The following SLF1 variants were observed in gnomAD, a reference collection of about 807,000 sequenced individuals.
The protein encoded by SLF1 is SMC5-SMC6 complex localization factor protein 1.
A neutral mutation model predicts 123.0 loss-of-function variants in SLF1; 105 were observed. The observed-to-expected ratio is 0.85, with a 90% CI of 0.73 to 1.00. The LOEUF (loss-of-function observed/expected upper bound fraction) is 1.00. SLF1 is among the 50% of genes least tolerant of loss of function. The probability of loss-of-function intolerance (pLI) is 0.00; values close to 1 mark genes in which losing one functional copy is unlikely to be tolerated. For missense variants in SLF1, 1,239 were observed against 1,223.0 expected (o/e 1.01, Z -0.20); for synonymous variants, 434 against 406.6 (o/e 1.07, Z -0.81).
At chr5:94,628,624 A>G (rs1415854466) in intron 1 of SLF1, among the ~76,000 whole-genome samples, 187 bp from the exon 2 acceptor site, 3 of 152,236 alleles carry the variant, frequency 2.0e-5, no homozygotes, top group Non-Finnish European at 4.4e-5. Flanking sequence ...TGAGAAGATA[A>G]CTTTTAAAAC....
At chr5:94,633,796 G>T (rs1192259716) in intron 4 of SLF1, among the ~76,000 whole-genome samples, 1 of 151,902 alleles carries the variant, frequency 6.6e-6, no homozygotes, top group Non-Finnish European at 1.5e-5. Flanking sequence ...TTCTCATTTT[G>T]GTTTTATTAA....
intron 12 of SLF1, among the ~76,000 whole-genome samples, chr5:94,667,491 C>A (rs923913923): frequency 2.6e-5 from 4 of 151,994 alleles, no homozygotes; most frequent in Non-Finnish European, 5.9e-5. Context: ...TTCCAAAGTA[C>A]CCCCCCACAG....
intron 4 of SLF1, among the ~76,000 whole-genome samples, chr5:94,642,836 T>C (rs953127719): frequency 6.6e-6 from 1 of 152,118 alleles, no homozygotes; most frequent in Non-Finnish European, 1.5e-5. Context: ...TTTTAAGTAG[T>C]TCAAGGCTAA....
chr5:94,688,121 A>G (rs571499692), intron 16 of SLF1, among the ~76,000 whole-genome samples: 41 of 152,082 alleles, frequency 2.7e-4, no homozygotes, highest in Non-Finnish European at 5.3e-4. Context: ...CTGTTGAAGA[A>G]AGACTTGTTT....
chr5:94,675,991 T>C (rs1751015033), intron 14 of SLF1, among the ~76,000 whole-genome samples: 1 of 151,108 alleles, frequency 6.6e-6, no homozygotes. Context: ...CTTTGTGGGC[T>C]AACATCCTTC....
chr5:94,634,052 C>T (rs116048913), intron 4 of SLF1, among the ~76,000 whole-genome samples: 1,786 of 152,086 alleles, frequency 0.012, 42 homozygotes, highest in African/African-American at 0.042. Flanking sequence ...TTTAAATTTT[C>T]GTTTCTTCTT....
rs202084095 is a variant in SLF1, at chr5:94,627,592, A to ATGTATATG, written c.1-1218_1-1217insGTATATGT. On this transcript the variant is annotated intron_variant, in intron 1 of 20. Transcript: ENST00000265140. ...TGTAAATGATGAAATTAACATATATATATATATATATATATATATATATAT... is the reference window on the plus strand; with the variant it reads ...TGTAAATGATGAAATTAACATATATATGTATATGTATATATATATATATATATATATAT... 6.1e-5 allele frequency among the ~76,000 whole-genome samples: 7 copies of ATGTATATG among 113,970 alleles called. No individual in the cohort carries two copies. The East Asian group carries it at 1.6e-3, about 26-fold the overall frequency. The allele number at this position is 113,970 out of a possible 152,430, so 74.8% of individuals were successfully genotyped here. A position where few individuals can be genotyped will look rare whatever the true frequency, so the allele number is the denominator to read the frequency against.
chr5:94,674,158 G>A lies in SLF1; in HGVS notation c.1827+3150G>A, dbSNP rs1446823871. 4.0e-5 allele frequency among the ~76,000 whole-genome samples: 6 copies of A among 151,856 alleles called. No individual in the cohort carries two copies. The East Asian group carries it at 9.7e-4, about 24-fold the overall frequency. On this transcript the variant is annotated intron_variant, in intron 14 of 20. Transcript: ENST00000265140. Reference sequence around the variant, plus strand: ...AGAAAATATTTCTTCATTATAGAACGTTTCTTTTTTTCATTCATTTGATTA... The same window carrying A: ...AGAAAATATTTCTTCATTATAGAACATTTCTTTTTTTCATTCATTTGATTA...
intron 4 of SLF1, among the ~76,000 whole-genome samples, chr5:94,631,988 TC>T (rs774704553): frequency 0.076 from 7,014 of 92,196 alleles, 331 homozygotes; most frequent in East Asian, 0.34. Flanking sequence ...TTTTTTTTTT[TC>T]CAAATTAAAT....
chr5:94,638,654 C>G lies in SLF1; in HGVS notation c.432-4619C>G, dbSNP rs139502831. On this transcript the variant is annotated intron_variant, in intron 4 of 20. Transcript: ENST00000265140. ...TAGTAACCGTGAGCCCTGGAGAATC[C>G]TTTCTGTGTGGCACTATGCCAACTT... 3.8e-3 allele frequency among the ~76,000 whole-genome samples: 585 copies of G among 152,322 alleles called. 2 individuals are homozygous for G. The Middle Eastern group carries it at 0.048, about 12-fold the overall frequency.
chr5:94,651,999 A>G (rs529301533), intron 7 of SLF1, among the ~76,000 whole-genome samples, 154 bp downstream of exon 7: 2 of 135,528 alleles, frequency 1.5e-5, no homozygotes, highest in East Asian at 2.2e-4. Flanking sequence ...GACCTGCTGT[A>G]TTATTTTCTT....
chr5:94,624,852 A>G (rs1365535547), intron 1 of SLF1, among the ~76,000 whole-genome samples: 1 of 152,056 alleles, frequency 6.6e-6, no homozygotes, highest in Non-Finnish European at 1.5e-5. Flanking sequence ...AAAATACATT[A>G]AAAATATACA....
intron 4 of SLF1, among the ~76,000 whole-genome samples, chr5:94,640,022 A>G (rs1192035015): frequency 6.6e-6 from 1 of 152,190 alleles, no homozygotes; most frequent in Non-Finnish European, 1.5e-5. Flanking sequence ...TTTGCTAGTC[A>G]TTTACTTTTA....
chr5:94,639,711 C>G (rs1258227482), intron 4 of SLF1, among the ~76,000 whole-genome samples: 1 of 152,136 alleles, frequency 6.6e-6, no homozygotes, highest in Non-Finnish European at 1.5e-5. Context: ...ATAAGAAAAT[C>G]ATAAGAGAAA....
At chr5:94,664,296 T>C (rs1749493400) in intron 11 of SLF1, among the ~76,000 whole-genome samples, 1 of 152,170 alleles carries the variant, frequency 6.6e-6, no homozygotes, top group Admixed American at 6.5e-5. Flanking sequence ...AACATACTCT[T>C]TGTTTAAAAA....
At position 94,686,653 on chromosome 5, in the gene SLF1, T is replaced by C. The variant is rs1181476694; in HGVS notation, c.2056T>C (p.Phe686Leu). 10 of 1,614,048 alleles carry C rather than the reference T, an allele frequency of 6.2e-6. No homozygotes were observed. The Admixed American group carries it at 1.5e-4, about 24-fold the overall frequency. ...TCAAATGTTTGTTGCAGAGGCAGTCTTTAAAAAGTTGTGTCTACAGAGCTC... is the reference window on the plus strand; with the variant it reads ...TCAAATGTTTGTTGCAGAGGCAGTCCTTAAAAAGTTGTGTCTACAGAGCTC... ...WLQMFVAEAV[F>L]KKLCLQSSGS... Residue 686 changes from phenylalanine (F) to leucine (L), a missense_variant, in exon 16 of 21, where the codon TTT (phenylalanine) becomes CTT (leucine). Transcript: ENST00000265140.
In SLF1 at chr5:94,652,975, A is replaced by G. The variant is rs549881893; in HGVS notation, c.883-297A>G. Among the ~76,000 whole-genome samples the G allele has an allele frequency of 2.6e-5, 4 of 152,292 alleles. No homozygotes were observed. The East Asian group carries it at 7.7e-4, about 29-fold the overall frequency. ...CAGGTTCAAGCGATTCACCTGCCTC[A>G]GCCTCCCAAGTAGCTGGGATTACAG... On this transcript the variant is annotated intron_variant, in intron 7 of 20. Coordinates refer to ENST00000265140, the MANE Select transcript of SLF1 (RefSeq NM_032290.4).
chr5:94,638,505 G>A (rs11748867), intron 4 of SLF1, among the ~76,000 whole-genome samples: 1 of 152,120 alleles, frequency 6.6e-6, no homozygotes, highest in Non-Finnish European at 1.5e-5. Context: ...TCTGACCCCA[G>A]GTTGTCTAGC....
Position 94,688,793 on chromosome 5 carries a change from A to AT in SLF1, c.2285+128dup, listed in dbSNP as rs1178036714. 13 of 1,015,628 alleles carry AT rather than the reference A, an allele frequency of 1.3e-5. No individual in the cohort carries two copies. In the South Asian group the frequency reaches 1.8e-4, roughly 14 times the overall value. The allele number at this position is 1,015,628 out of a possible 1,614,324, so 62.9% of individuals were successfully genotyped here. On this transcript the variant is annotated intron_variant, in intron 17 of 20. Coordinates refer to ENST00000265140, the MANE Select transcript of SLF1 (RefSeq NM_032290.4). ...ATTATACTGATTAGATCAAAACTCA[A>AT]TTTTAGATCTATTTGATCAACATTT... is the stretch of plus-strand genomic sequence containing the variant.
Sources: allele counts gnomAD v4.1 joint callset (sites outside exome capture counted in the v4.1 genomes callset), GRCh38; gene constraint gnomAD v4.1.1; transcripts MANE v1.5; gene names NCBI Gene and HGNC (gene_info 2026-07-23, HGNC 2026-07-21).